The following FMN2 variants were observed in gnomAD, a reference collection of about 807,000 sequenced individuals.
FMN2 encodes the protein formin 2, also known as formin-2.
A neutral mutation model predicts 142.3 loss-of-function variants in FMN2; 51 were observed. That is an observed-to-expected ratio of 0.36 (90% CI 0.29 to 0.45). FMN2 has a LOEUF of 0.45. Among genes scored for constraint, FMN2 ranks in the 20% least tolerant of loss-of-function variants. The probability of loss-of-function intolerance (pLI) is 1.00; values close to 1 mark genes in which losing one functional copy is unlikely to be tolerated. For missense variants in FMN2, 1,936 were observed against 2,122.8 expected, an observed-to-expected ratio of 0.91 and a Z score of 1.73; for synonymous variants, 882 against 869.8, an observed-to-expected ratio of 1.01 and a Z score of -0.25.
intron 6 of FMN2, among the ~76,000 whole-genome samples, chr1:240,253,260 C>G (rs560067357): frequency 7.0e-6 from 1 of 143,822 alleles, no homozygotes; most frequent in African/African-American, 2.6e-5. Context: ...TGAGACACTA[C>G]GCCTGGCCTG....
intron 6 of FMN2, among the ~76,000 whole-genome samples, chr1:240,221,023 C>G (rs9661140): frequency 0.67 from 102,392 of 151,984 alleles, 35,469 homozygotes; most frequent in African/African-American, 0.81. Context: ...CAGCTTCATC[C>G]ATGTCTCTGC....
chr1:240,164,188 T>C (rs983221841), intron 2 of FMN2, among the ~76,000 whole-genome samples: 2 of 152,216 alleles, frequency 1.3e-5, no homozygotes, highest in African/African-American at 4.8e-5. Context: ...CCTGAGCCAC[T>C]ACACCTAAGC....
At chr1:240,148,251 GAGAT>G (rs1365122399) in intron 2 of FMN2, among the ~76,000 whole-genome samples, 6 of 151,246 alleles carry the variant, frequency 4.0e-5, no homozygotes, top group Non-Finnish European at 5.9e-5. Flanking sequence ...GAGACAAACA[GAGAT>G]AGACAGAGAG....
At chr1:240,117,567 G>A (rs1309436859) in intron 1 of FMN2, among the ~76,000 whole-genome samples, 2 of 152,300 alleles carry the variant, frequency 1.3e-5, no homozygotes, top group South Asian at 2.1e-4. Flanking sequence ...AAGCCGCTGC[G>A]GAAGGAAGTG....
chr1:240,328,170 AAAG>A (rs1671252448), intron 8 of FMN2, among the ~76,000 whole-genome samples: 1 of 149,484 alleles, frequency 6.7e-6, no homozygotes, highest in Non-Finnish European at 1.5e-5. Context: ...AAAAAAAAAA[AAAG>A]AAAAAGAAAA....
chr1:240,125,079 A>G (rs1467801897), intron 2 of FMN2, among the ~76,000 whole-genome samples: 1 of 152,252 alleles, frequency 6.6e-6, no homozygotes, highest in African/African-American at 2.4e-5. Context: ...AAAGACAATG[A>G]CAAAGCCCCA....
intron 2 of FMN2, among the ~76,000 whole-genome samples, chr1:240,177,620 A>G (rs10926159): frequency 0.22 from 34,067 of 152,024 alleles, 4,061 homozygotes; most frequent in African/African-American, 0.29. Flanking sequence ...TGTCTGGACT[A>G]TCTGATTTTA....
chr1:240,233,566 G>A (rs1225647332), intron 6 of FMN2, among the ~76,000 whole-genome samples: 5 of 152,118 alleles, frequency 3.3e-5, no homozygotes, highest in Non-Finnish European at 7.4e-5. Flanking sequence ...CTGAGTTTAA[G>A]AGAAAAATTC....
At chr1:240,416,852 G>C (rs1674595042) in intron 15 of FMN2, among the ~76,000 whole-genome samples, 1 of 149,910 alleles carries the variant, frequency 6.7e-6, no homozygotes. Flanking sequence ...GTCTCTCCTG[G>C]CTTTGTCCGT....
At position 240,227,980 on chromosome 1, in the gene FMN2, A is replaced by G. The variant is rs546128017; in HGVS notation, c.4065+16745A>G. On this transcript the variant is annotated intron_variant, in intron 6 of 17. Coordinates refer to ENST00000319653, the MANE Select transcript of FMN2 (RefSeq NM_020066.5). ...ATCTAAATAACTCCTACAACTCAAT[A>G]ACAACAATAATTTTAAAAAAATCTA... is the stretch of plus-strand genomic sequence containing the variant. 7.2e-5 allele frequency among the ~76,000 whole-genome samples: 11 copies of G among 152,232 alleles called. No homozygotes were observed. The South Asian group carries it at 2.3e-3, about 32-fold the overall frequency.
At chr1:240,239,371 A>G (rs1338582439) in intron 6 of FMN2, among the ~76,000 whole-genome samples, 1 of 152,244 alleles carries the variant, frequency 6.6e-6, no homozygotes, top group African/African-American at 2.4e-5. Context: ...TGATGCCATC[A>G]GAAAGAAGAC....
At chr1:240,347,729 G>A (rs866120659) in intron 13 of FMN2, among the ~76,000 whole-genome samples, 9 of 152,010 alleles carry the variant, frequency 5.9e-5, no homozygotes, top group South Asian at 2.1e-4. Context: ...CGTTGATCGC[G>A]CTCATCTTTA....
intron 7 of FMN2, among the ~76,000 whole-genome samples, chr1:240,270,143 T>G (rs966116667): frequency 2.6e-5 from 4 of 152,110 alleles, no homozygotes; most frequent in Non-Finnish European, 5.9e-5. Flanking sequence ...TTTTCACCAT[T>G]GAGTATCCTG....
chr1:240,146,548 C>G (rs1663488814), intron 2 of FMN2, among the ~76,000 whole-genome samples: 2 of 151,642 alleles, frequency 1.3e-5, no homozygotes, highest in South Asian at 4.2e-4. Context: ...ACTAAAAATA[C>G]AAAAAATTAG....
intron 2 of FMN2, among the ~76,000 whole-genome samples, chr1:240,129,470 A>C (rs1012164496): frequency 2.0e-5 from 3 of 146,346 alleles, no homozygotes; most frequent in African/African-American, 5.0e-5. Flanking sequence ...TATATAAGCT[A>C]TGTGGACTTG....
chr1:240,378,953 T>C (rs1558461621), intron 14 of FMN2, among the ~76,000 whole-genome samples: 1 of 152,226 alleles, frequency 6.6e-6, no homozygotes, highest in Non-Finnish European at 1.5e-5. Flanking sequence ...GTCTATTGAC[T>C]TAAAGAATGT....
intron 16 of FMN2, among the ~76,000 whole-genome samples, chr1:240,463,315 C>T (rs72769815): frequency 1.3e-5 from 2 of 152,068 alleles, no homozygotes; most frequent in Admixed American, 6.6e-5. Context: ...TAACTCTTTG[C>T]GTATGCATAG....
intron 7 of FMN2, among the ~76,000 whole-genome samples, chr1:240,271,417 ATTT>A (rs199805120): frequency 7.2e-6 from 1 of 139,062 alleles, no homozygotes. Flanking sequence ...TCAGTGTCTG[ATTT>A]TTTTTTTTTT....
intron 6 of FMN2, among the ~76,000 whole-genome samples, chr1:240,255,075 G>A (rs1668405376): frequency 6.6e-6 from 1 of 152,184 alleles, no homozygotes; most frequent in Non-Finnish European, 1.5e-5. Flanking sequence ...TGGTGGAAAT[G>A]TGGGCTGCTG....
Sources: gnomAD v4.1 joint callset for allele counts (sites outside exome capture counted in the v4.1 genomes callset) on GRCh38, gnomAD v4.1.1 for gene constraint, MANE v1.5 for transcripts, NCBI Gene and HGNC (gene_info 2026-07-23, HGNC 2026-07-21) for gene names.